PRKCB: variants seen among roughly 807,000 people sequenced by gnomAD.
PRKCB encodes the protein protein kinase C beta.
In PRKCB, 13 loss-of-function variants were observed where a neutral mutation model predicts 81.5. The ratio of observed to expected loss-of-function variants is 0.16; its 90% CI spans 0.10 to 0.25. The LOEUF is 0.25. Ranked by LOEUF, PRKCB falls within the 10% of genes least tolerant of loss-of-function variation. The probability of loss-of-function intolerance (pLI) is 1.00; values close to 1 mark genes in which losing one functional copy is unlikely to be tolerated. For missense variants in PRKCB, 509 were observed against 875.7 expected (o/e 0.58, Z 5.29); for synonymous variants, 335 against 321.4 (o/e 1.04, Z -0.45).
At chr16:24,097,599 C>T (rs1419097568) in intron 7 of PRKCB, among the ~76,000 whole-genome samples, 2 of 152,064 alleles carry the variant, frequency 1.3e-5, no homozygotes, top group Non-Finnish European at 2.9e-5. Flanking sequence ...GTTTATTTTG[C>T]CAAGGTTAAG....
chr16:24,116,677 G>C (rs72779980), intron 8 of PRKCB, among the ~76,000 whole-genome samples: 1 of 152,318 alleles, frequency 6.6e-6, no homozygotes, highest in Non-Finnish European at 1.5e-5. Context: ...CTAAAAACTG[G>C]ATACTGTTTG....
intron 9 of PRKCB, among the ~76,000 whole-genome samples, chr16:24,133,571 C>T (rs946791129): frequency 5.9e-5 from 9 of 152,164 alleles, no homozygotes; most frequent in Non-Finnish European, 1.2e-4. Flanking sequence ...TTTTCTTAAC[C>T]CTTACCAACT....
At chr16:24,131,398 G>T (rs445620) in intron 9 of PRKCB, among the ~76,000 whole-genome samples, 54,707 of 152,144 alleles carry the variant, frequency 0.36, 9,976 homozygotes, top group South Asian at 0.47. Context: ...GGAGGGTCTG[G>T]TGGTGGCCCC....
chr16:24,180,698 T>G (rs1967605605), intron 12 of PRKCB, 92 bp from the exon 13 acceptor site: 2 of 1,422,188 alleles, frequency 1.4e-6, no homozygotes, highest in South Asian at 2.7e-5. Context: ...ACACAACACC[T>G]AACACAGTGT....
chr16:23,987,413 T>A (rs1339878264), intron 2 of PRKCB, among the ~76,000 whole-genome samples: 11 of 148,414 alleles, frequency 7.4e-5, no homozygotes, highest in Admixed American at 2.0e-4. Flanking sequence ...GGGGGGGGTG[T>A]GTTTGCTGAT....
At chr16:23,904,649 C>A (rs540068786) in intron 2 of PRKCB, among the ~76,000 whole-genome samples, 4 of 152,016 alleles carry the variant, frequency 2.6e-5, no homozygotes, top group Admixed American at 2.6e-4. Flanking sequence ...GGTGACAGAG[C>A]GAGTCTTCAT....
chr16:23,956,087 G>T (rs185570821), intron 2 of PRKCB, among the ~76,000 whole-genome samples: 41 of 151,828 alleles, frequency 2.7e-4, no homozygotes, highest in African/African-American at 9.2e-4. Flanking sequence ...ACTTTATTAC[G>T]AATAAACAAA....
At chr16:23,948,696 C>T (rs1280903656) in intron 2 of PRKCB, among the ~76,000 whole-genome samples, 10 of 152,300 alleles carry the variant, frequency 6.6e-5, no homozygotes, top group African/African-American at 2.2e-4. Context: ...TGTGAGCCAC[C>T]GTGCCTGGCC....
At chr16:23,906,072 C>T (rs1042143888) in intron 2 of PRKCB, among the ~76,000 whole-genome samples, 11 of 152,120 alleles carry the variant, frequency 7.2e-5, no homozygotes, top group Admixed American at 1.3e-4. Context: ...GGATAGGTGT[C>T]GCATTGGAAT....
In PRKCB at chr16:24,191,196, G is replaced by A. The variant is rs563116744; in HGVS notation, c.1829G>A (p.Arg610His). 5.1e-5 allele frequency: 83 copies of A among 1,614,068 alleles called. No individual in the cohort carries two copies. The highest frequency in any genetic ancestry group is 2.5e-4 in the South Asian group (23 of 91,066). ...TATATTGATTGGGAGAAACTTGAAC[G>A]CAAAGAGATCCAGCCCCCTTATAAG... ...FRYIDWEKLE[R>H]KEIQPPYKPK... is the part of the protein sequence containing the mutation. The change falls in exon 16 of 17, where the codon CGC (arginine) becomes CAC (histidine). Residue 610 changes from arginine (R) to histidine (H), a missense_variant. Physicochemically the swap from Arg to His is conservative, Grantham distance 29. This residue lies in a region of PRKCB where 104 missense variants were observed against 160.5 expected (regional missense o/e 0.65). Transcript: ENST00000643927.
At chr16:23,911,610 A>G (rs986719109) in intron 2 of PRKCB, among the ~76,000 whole-genome samples, 3 of 152,130 alleles carry the variant, frequency 2.0e-5, no homozygotes, top group African/African-American at 7.2e-5. Flanking sequence ...TGGACATGAC[A>G]AACGTCATAA....
At chr16:23,913,486 A>T (rs1200653571) in intron 2 of PRKCB, among the ~76,000 whole-genome samples, 1 of 152,212 alleles carries the variant, frequency 6.6e-6, no homozygotes, top group Non-Finnish European at 1.5e-5. Flanking sequence ...GAAAAGGCAG[A>T]CCTGGAGCTC....
intron 8 of PRKCB, among the ~76,000 whole-genome samples, chr16:24,120,194 G>A (rs1966783166): frequency 6.6e-6 from 1 of 152,142 alleles, no homozygotes; most frequent in Non-Finnish European, 1.5e-5. Flanking sequence ...CTTAGTGGCG[G>A]GGGTTGCGGG....
In PRKCB at chr16:23,896,186, T is replaced by A. The variant is rs141104164; in HGVS notation, c.205+58780T>A. 2.3e-3 allele frequency among the ~76,000 whole-genome samples: 357 copies of A among 152,060 alleles called. 1 individual carries two copies. Among genetic ancestry groups the A allele is most frequent in the South Asian group, 0.011 (52 of 4,820 alleles). ...TAGAACCAGAATTTATGAAAAAAAA[T>A]AAATATATTTGATTTCCCATGAATT... On this transcript the variant is annotated intron_variant, in intron 2 of 16. Transcript: ENST00000643927.
chr16:24,070,435 C>T (rs1321933053), intron 5 of PRKCB, among the ~76,000 whole-genome samples: 1 of 152,128 alleles, frequency 6.6e-6, no homozygotes, highest in African/African-American at 2.4e-5. Flanking sequence ...AGGCATGAGC[C>T]GTTGCGCCCG....
chr16:23,988,603 C>T lies in PRKCB; in HGVS notation c.288+13C>T. The T allele has an allele frequency of 6.2e-7, 1 of 1,610,602 alleles. No homozygotes were observed. The highest frequency in any genetic ancestry group is 1.1e-5 in the South Asian group (1 of 90,954). On this transcript the variant is annotated intron_variant, in intron 3 of 16. Transcript: ENST00000643927. ...TCCAGCCTCCGATGTAAGTAATGGG[C>T]ATCGATTGCTTTTCTCTGTCCACAG... is the stretch of plus-strand genomic sequence containing the variant.
At chr16:23,894,054 T>C (rs1963334400) in intron 2 of PRKCB, among the ~76,000 whole-genome samples, 1 of 152,200 alleles carries the variant, frequency 6.6e-6, no homozygotes, top group Non-Finnish European at 1.5e-5. Context: ...GGACATAGGC[T>C]CTGGTTACTT....
intron 3 of PRKCB, among the ~76,000 whole-genome samples, chr16:24,016,227 G>A (rs1274933190): frequency 2.0e-5 from 3 of 152,080 alleles, no homozygotes; most frequent in African/African-American, 4.8e-5. Flanking sequence ...TTTAACCAAC[G>A]TTTTGAGAAT....
At chr16:24,110,303 C>T (rs1388609341) in intron 7 of PRKCB, among the ~76,000 whole-genome samples, 1 of 151,712 alleles carries the variant, frequency 6.6e-6, no homozygotes, top group African/African-American at 2.4e-5. Context: ...CCTCTGCCTC[C>T]CGGGTTCAAG....
Sources: gnomAD v4.1 joint callset for allele counts (sites outside exome capture counted in the v4.1 genomes callset) on GRCh38, gnomAD v4.1.1 for gene constraint, gnomAD v4.1.1 regional missense constraint, MANE v1.5 for transcripts, NCBI Gene and HGNC (gene_info 2026-07-23, HGNC 2026-07-21) for gene names.